SRPK2: variants seen among roughly 807,000 people sequenced by gnomAD.
SRPK2 encodes the protein SRSF protein kinase 2, also known as SFRS protein kinase 2.
Under a neutral mutation model 90.8 loss-of-function variants are expected in SRPK2, and 21 were observed. The ratio of observed to expected loss-of-function variants is 0.23; its 90% CI spans 0.16 to 0.33. The LOEUF is 0.33. Ranked by LOEUF, SRPK2 falls within the 10% of genes least tolerant of loss-of-function variation. SRPK2 has a pLI of 1.00. For missense variants in SRPK2, 620 were observed against 869.0 expected (o/e 0.71, Z 3.60); for synonymous variants, 288 against 311.1 (o/e 0.93, Z 0.78).
intron 2 of SRPK2, among the ~76,000 whole-genome samples, chr7:105,257,585 C>T (rs1354859043): frequency 6.6e-6 from 1 of 152,082 alleles, no homozygotes; most frequent in African/African-American, 2.4e-5. Context: ...TATTTATGTC[C>T]CTTTATGACA....
chr7:105,386,936 C>G (rs1319302468), intron 2 of SRPK2, among the ~76,000 whole-genome samples: 1 of 152,168 alleles, frequency 6.6e-6, no homozygotes, highest in Non-Finnish European at 1.5e-5. Context: ...AGAGGAAAAG[C>G]TGAGTACTGT....
chr7:105,367,064 TTTG>T (rs1819153694), intron 2 of SRPK2, among the ~76,000 whole-genome samples: 2 of 144,148 alleles, frequency 1.4e-5, no homozygotes, highest in Non-Finnish European at 3.0e-5. Flanking sequence ...CACCTTTTTT[TTTG>T]TTTTTTTTTT....
chr7:105,253,775 T>C lies in SRPK2; in HGVS notation c.72-49990A>G, dbSNP rs576177957. Among the ~76,000 whole-genome samples, 40 of 152,286 alleles carry C rather than the reference T, an allele frequency of 2.6e-4. 1 individual carries two copies. The South Asian group carries it at 3.5e-3, about 13-fold the overall frequency. On this transcript the variant is annotated intron_variant, in intron 2 of 15. Transcript: ENST00000393651. ...GTCTTAGAAGGGGAACAAAATTAAG[T>C]AGTAATTTTATTGTAGTGCAACAAA...
In SRPK2 at chr7:105,303,337, C is replaced by T. The variant is rs150964014; in HGVS notation, c.71+85311G>A. Among the ~76,000 whole-genome samples the T allele has an allele frequency of 5.1e-3, 773 of 152,012 alleles. 12 individuals carry two copies. In the East Asian group the frequency reaches 0.055, roughly 11 times the overall value. ...CGTGGGGTGGGAGCTGGGGGAGGGA[C>T]AGCATTAGGAGAAACACCTAATGTA... is the stretch of plus-strand genomic sequence containing the variant. On this transcript the variant is annotated intron_variant, in intron 2 of 15. Coordinates refer to ENST00000393651, the MANE Select transcript of SRPK2 (RefSeq NM_182692.3).
At chr7:105,373,224 A>G (rs1819895266) in intron 2 of SRPK2, among the ~76,000 whole-genome samples, 2 of 152,144 alleles carry the variant, frequency 1.3e-5, no homozygotes, top group South Asian at 2.1e-4. Context: ...TTATTTATAA[A>G]CTGTCAAGAT....
chr7:105,183,466 GTTTTT>G (rs756098443), intron 3 of SRPK2, among the ~76,000 whole-genome samples: 1 of 151,660 alleles, frequency 6.6e-6, no homozygotes, highest in Non-Finnish European at 1.5e-5. Context: ...TGGCTAGCGG[GTTTTT>G]TTTGTTTGTT....
chr7:105,301,544 TGGA>T, intron 2 of SRPK2: 1 of 1,556,008 alleles, frequency 6.4e-7, no homozygotes, highest in South Asian at 1.1e-5. Context: ...GACCAGGAGA[TGGA>T]ACTAGAAGCA....
intron 2 of SRPK2, among the ~76,000 whole-genome samples, chr7:105,320,269 T>A (rs1200595087): frequency 1.3e-5 from 2 of 152,204 alleles, no homozygotes; most frequent in African/African-American, 4.8e-5. Flanking sequence ...CTTGGAAGAT[T>A]CATATTTTGC....
intron 2 of SRPK2, among the ~76,000 whole-genome samples, chr7:105,363,261 T>A (rs998805765): frequency 2.6e-5 from 4 of 151,756 alleles, no homozygotes; most frequent in Non-Finnish European, 5.9e-5. Context: ...TGGGAGAAAA[T>A]TTCTGCAATC....
At chr7:105,268,817 G>C in intron 2 of SRPK2, 1 of 1,599,514 alleles carries the variant, frequency 6.3e-7, no homozygotes, top group South Asian at 1.1e-5. Flanking sequence ...TTTCTGAAGA[G>C]GACGACTTCT....
At chr7:105,266,068 T>A (rs1805025906) in intron 2 of SRPK2, among the ~76,000 whole-genome samples, 1 of 152,166 alleles carries the variant, frequency 6.6e-6, no homozygotes, top group Admixed American at 6.6e-5. Context: ...AGACTTCCAC[T>A]GTTCCTTTAA....
intron 2 of SRPK2, among the ~76,000 whole-genome samples, chr7:105,242,376 G>A (rs1211146943): frequency 6.6e-6 from 1 of 152,098 alleles, no homozygotes; most frequent in Non-Finnish European, 1.5e-5. Flanking sequence ...TCCGGGGGTG[G>A]TGGTGCACAC....
At chr7:105,146,239 C>G (rs956090038) in intron 8 of SRPK2, among the ~76,000 whole-genome samples, 3 of 152,196 alleles carry the variant, frequency 2.0e-5, no homozygotes, top group Non-Finnish European at 4.4e-5. Flanking sequence ...ACAGAAAAAA[C>G]TGTTCAAATA....
rs1810556578 is a variant in SRPK2, at chr7:105,301,529, A to G, written c.71+87119T>C. On this transcript the variant is annotated intron_variant, in intron 2 of 15. Transcript: ENST00000393651. Reference sequence around the variant, plus strand: ...CCCGCAACCGGTGTGACGAGTGCCAACGAGGACCAGGAGATGGAACTAGAA... The same window carrying G: ...CCCGCAACCGGTGTGACGAGTGCCAGCGAGGACCAGGAGATGGAACTAGAA... 12 of 1,503,722 alleles carry G rather than the reference A, an allele frequency of 8.0e-6. No individual in the cohort carries two copies. The South Asian group carries it at 1.2e-4, about 16-fold the overall frequency. The allele number at this position is 1,503,722 out of a possible 1,614,324, so 93.1% of individuals were successfully genotyped here. A position where few individuals can be genotyped will look rare whatever the true frequency, so the allele number is the denominator to read the frequency against.
At chr7:105,194,102 CTAAT>C (rs975529182) in intron 3 of SRPK2, among the ~76,000 whole-genome samples, 3 of 152,050 alleles carry the variant, frequency 2.0e-5, no homozygotes, top group African/African-American at 7.2e-5. Context: ...TTGATTAAGT[CTAAT>C]TAATTTTTTA....
intron 8 of SRPK2, 64 bp downstream of exon 8, chr7:105,146,429 C>T: frequency 1.3e-6 from 2 of 1,552,926 alleles, no homozygotes; most frequent in South Asian, 2.4e-5. Context: ...ATACCTTCAA[C>T]AACTGCAACT....
intron 3 of SRPK2, among the ~76,000 whole-genome samples, chr7:105,170,681 G>C (rs569808533): frequency 2.0e-5 from 3 of 147,768 alleles, no homozygotes; most frequent in Admixed American, 1.4e-4. Context: ...GTTACAGAGT[G>C]AGACTCCACC....
At chr7:105,190,548 T>G (rs1794150089) in intron 3 of SRPK2, among the ~76,000 whole-genome samples, 1 of 152,210 alleles carries the variant, frequency 6.6e-6, no homozygotes, top group Non-Finnish European at 1.5e-5. Flanking sequence ...CTATCAAATC[T>G]ATAATATCTG....
At chr7:105,138,985 T>C (rs1194795487) in intron 11 of SRPK2, among the ~76,000 whole-genome samples, 1 of 152,176 alleles carries the variant, frequency 6.6e-6, no homozygotes, top group Non-Finnish European at 1.5e-5. Flanking sequence ...AAAATGTGAA[T>C]TGCTCAATCT....
Sources: allele counts gnomAD v4.1 joint callset (sites outside exome capture counted in the v4.1 genomes callset), GRCh38; gene constraint gnomAD v4.1.1; transcripts MANE v1.5; gene names NCBI Gene and HGNC (gene_info 2026-07-23, HGNC 2026-07-21).